Variants in RBFOX1 observed in about 807,000 individuals in gnomAD.
RBFOX1 encodes RNA binding protein fox-1 homolog 1.
RBFOX1 carries 8 observed loss-of-function variants against 57.7 expected under a neutral mutation model. The ratio of observed to expected loss-of-function variants is 0.14; its 90% confidence interval spans 0.08 to 0.25. The LOEUF is 0.25. Among genes scored for constraint, RBFOX1 ranks in the 10% least tolerant of loss-of-function variants. The probability of loss-of-function intolerance (pLI) is 1.00; values close to 1 mark genes in which losing one functional copy is unlikely to be tolerated. For missense variants in RBFOX1, 611 were observed against 548.5 expected (o/e 1.11, Z -1.14); for synonymous variants, 326 against 222.4 (o/e 1.47, Z -4.15).
At chr16:5,710,233 G>A (rs556709216) in intron 3 of RBFOX1, among the ~76,000 whole-genome samples, 2 of 152,248 alleles carry the variant, frequency 1.3e-5, no homozygotes, top group East Asian at 1.9e-4. Flanking sequence ...TGTTGAAACT[G>A]AAGCAGCTAA....
intron 1 of RBFOX1, among the ~76,000 whole-genome samples, chr16:6,095,795 G>C (rs2096238780): frequency 6.6e-6 from 1 of 152,184 alleles, no homozygotes; most frequent in South Asian, 2.1e-4. Context: ...ACCCACCTGA[G>C]TCTGGGATCG....
chr16:5,371,222 A>G (rs1436663652), intron 1 of RBFOX1, among the ~76,000 whole-genome samples: 2 of 152,236 alleles, frequency 1.3e-5, no homozygotes, highest in African/African-American at 4.8e-5. Context: ...AACTGGGATT[A>G]CAGGCGTGAG....
At chr16:6,897,361 C>G (rs1325345551) in intron 3 of RBFOX1, among the ~76,000 whole-genome samples, 1 of 152,146 alleles carries the variant, frequency 6.6e-6, no homozygotes, top group Non-Finnish European at 1.5e-5. Flanking sequence ...CGAGGTCGTG[C>G]CATTGCACTC....
intron 1 of RBFOX1, among the ~76,000 whole-genome samples, chr16:6,240,977 C>T (rs1196895301): frequency 2.6e-5 from 4 of 152,170 alleles, no homozygotes; most frequent in African/African-American, 7.2e-5. Flanking sequence ...TCCCCTTTAC[C>T]GTAGATACTC....
intron 4 of RBFOX1, among the ~76,000 whole-genome samples, chr16:5,943,052 C>G (rs2059313188): frequency 6.6e-6 from 1 of 152,168 alleles, no homozygotes; most frequent in Non-Finnish European, 1.5e-5. Context: ...CCACTGTTCT[C>G]AAGCCTTTGT....
intron 10 of RBFOX1, among the ~76,000 whole-genome samples, chr16:7,624,992 G>T (rs1360856434): frequency 6.6e-6 from 1 of 152,160 alleles, no homozygotes; most frequent in Non-Finnish European, 1.5e-5. Context: ...ACCGGAGAGT[G>T]GGGCCTGGAA....
chr16:6,852,184 G>T (rs953606122), intron 3 of RBFOX1, among the ~76,000 whole-genome samples: 2 of 152,120 alleles, frequency 1.3e-5, no homozygotes, highest in Non-Finnish European at 2.9e-5. Flanking sequence ...TGCAACCAAG[G>T]TTTTGATAGG....
intron 4 of RBFOX1, among the ~76,000 whole-genome samples, chr16:7,223,223 A>G (rs1455101892): frequency 3.3e-5 from 5 of 152,220 alleles, no homozygotes; most frequent in Admixed American, 2.6e-4. Context: ...CTCAAGTTCA[A>G]GATCAGAAGC....
intron 14 of RBFOX1, among the ~76,000 whole-genome samples, chr16:7,703,964 A>C (rs1478053209): frequency 6.6e-6 from 1 of 152,216 alleles, no homozygotes; most frequent in Non-Finnish European, 1.5e-5. Context: ...GTGAAATACA[A>C]TCTAAGAAGC....
At chr16:5,328,971 A>G (rs1428439065) in intron 1 of RBFOX1, among the ~76,000 whole-genome samples, 1 of 152,208 alleles carries the variant, frequency 6.6e-6, no homozygotes, top group Admixed American at 6.5e-5. Context: ...TTTATTTCTC[A>G]TAAATCTGTC....
intron 3 of RBFOX1, among the ~76,000 whole-genome samples, chr16:5,764,301 G>C (rs978554274): frequency 1.3e-5 from 2 of 152,194 alleles, no homozygotes; most frequent in African/African-American, 4.8e-5. Context: ...CTGCCTCAAT[G>C]CTGGAAGGTA....
At chr16:6,467,789 G>T (rs2095083888) in intron 2 of RBFOX1, among the ~76,000 whole-genome samples, 1 of 152,140 alleles carries the variant, frequency 6.6e-6, no homozygotes, top group Non-Finnish European at 1.5e-5. Flanking sequence ...GTACTTAAGT[G>T]GGAAATTTTG....
At chr16:5,605,732 A>T (rs1001237543) in intron 3 of RBFOX1, among the ~76,000 whole-genome samples, 1 of 151,834 alleles carries the variant, frequency 6.6e-6, no homozygotes, top group Non-Finnish European at 1.5e-5. Flanking sequence ...GAGTAGGGCC[A>T]TTAATTTAAT....
At chr16:6,945,221 C>T (rs971803826) in intron 3 of RBFOX1, among the ~76,000 whole-genome samples, 4 of 152,148 alleles carry the variant, frequency 2.6e-5, no homozygotes, top group African/African-American at 9.7e-5. Flanking sequence ...AAAGTTCCAG[C>T]TCAGCCACTT....
intron 4 of RBFOX1, among the ~76,000 whole-genome samples, chr16:5,996,452 ATTT>A (rs35219123): frequency 2.0e-4 from 29 of 147,774 alleles, no homozygotes; most frequent in African/African-American, 7.2e-4. Context: ...TGTGAGGGTG[ATTT>A]TTTTTTTTTT....
chr16:7,076,214 A>G (rs908453674), intron 4 of RBFOX1, among the ~76,000 whole-genome samples: 2 of 150,968 alleles, frequency 1.3e-5, no homozygotes, highest in Non-Finnish European at 3.0e-5. Context: ...TTTGTATTTT[A>G]GTAGAGATGG....
chr16:7,563,001 A>G (rs951226889), intron 5 of RBFOX1, among the ~76,000 whole-genome samples: 24 of 152,178 alleles, frequency 1.6e-4, no homozygotes, highest in African/African-American at 5.8e-4. Context: ...GGGGATTGCA[A>G]TGCCAGGGCT....
chr16:7,317,511 A>C (rs573027304), intron 4 of RBFOX1, among the ~76,000 whole-genome samples: 1 of 152,276 alleles, frequency 6.6e-6, no homozygotes, highest in African/African-American at 2.4e-5. Context: ...ACCATCACGA[A>C]GCAACTGGTC....
chr16:6,483,318 G>C (rs924215308), intron 2 of RBFOX1: 18 of 1,430,034 alleles, frequency 1.3e-5, no homozygotes, highest in Non-Finnish European at 1.6e-5. Context: ...GCGCGCTCGG[G>C]GCGTTCTGCA....
Sources: allele counts gnomAD v4.1 joint callset (sites outside exome capture counted in the v4.1 genomes callset), GRCh38; gene constraint gnomAD v4.1.1; transcripts MANE v1.5; gene names NCBI Gene and HGNC (gene_info 2026-07-23, HGNC 2026-07-21).